The following OOSP4B variants were observed in gnomAD, a reference collection of about 807,000 sequenced individuals.
OOSP4B encodes the protein oocyte secreted protein family member 4B.
chr11:60,022,852 G>A (rs1254412782), intron 1 of OOSP4B, among the ~76,000 whole-genome samples: 2 of 151,974 alleles, frequency 1.3e-5, no homozygotes, highest in Non-Finnish European at 2.9e-5. Context: ...AGCTTCTTCA[G>A]GTTAATATGA....
rs1342770062 is a variant in OOSP4B, at chr11:60,029,860, A to G, written c.381A>G (p.Thr127=). ...CCTTGAAAGAAATCCCTCAAAAAAC[A>G]AAAGGACAAGAGTCACCAACTCCCA... The change falls in exon 4 of 5, where the codon ACA becomes ACG. Residue 127 remains threonine, a synonymous_variant. Coordinates refer to ENST00000642343, the Ensembl canonical transcript of OOSP4B. The G allele has an allele frequency of 2.8e-5, 11 of 398,416 alleles. 1 individual carries two copies. The allele number at this position is 398,416 out of a possible 1,614,324, so 24.7% of individuals were successfully genotyped here. A position where few individuals can be genotyped will look rare whatever the true frequency, so the allele number is the denominator to read the frequency against.
At chr11:60,029,497 T>G (rs929327016) in intron 3 of OOSP4B, among the ~76,000 whole-genome samples, 1 of 152,194 alleles carries the variant, frequency 6.6e-6, no homozygotes, top group African/African-American at 2.4e-5. Flanking sequence ...TCAGCATAGA[T>G]AGAATGTTTG....
intron 3 of OOSP4B, among the ~76,000 whole-genome samples, chr11:60,025,258 A>T (rs1854736771): frequency 6.6e-6 from 1 of 152,186 alleles, no homozygotes; most frequent in Non-Finnish European, 1.5e-5. Context: ...TGCACTTCCA[A>T]TTGAAGACAT....
chr11:60,027,138 C>T (rs1214848163), intron 3 of OOSP4B, among the ~76,000 whole-genome samples: 3 of 152,018 alleles, frequency 2.0e-5, no homozygotes, highest in Admixed American at 2.0e-4. Context: ...TCTCATTTTC[C>T]CCACTCCCGC....
intron 3 of OOSP4B, 57 bp from the exon 4 acceptor site, chr11:60,029,725 C>CA (rs919349582): frequency 5.0e-6 from 2 of 397,686 alleles, no homozygotes; most frequent in East Asian, 3.6e-5. Context: ...ATTTTTCCCA[C>CA]AAAAAATCTG....
intron 3 of OOSP4B, among the ~76,000 whole-genome samples, chr11:60,027,551 C>T (rs550254569): frequency 1.3e-4 from 19 of 150,526 alleles, no homozygotes; most frequent in African/African-American, 4.4e-4. Context: ...TCCTCTTCCA[C>T]TTTATTGACC....
At chr11:60,025,682 C>T (rs1854741011) in intron 3 of OOSP4B, among the ~76,000 whole-genome samples, 1 of 152,138 alleles carries the variant, frequency 6.6e-6, no homozygotes, top group South Asian at 2.1e-4. Context: ...TGTTTTCAGT[C>T]TCTGGCTATT....
chr11:60,020,586 G>A (rs1008581998), intron 1 of OOSP4B, among the ~76,000 whole-genome samples: 7 of 152,144 alleles, frequency 4.6e-5, no homozygotes, highest in African/African-American at 9.7e-5. Flanking sequence ...CCCGGTTCCC[G>A]CCGGCGCCTC....
intron 3 of OOSP4B, among the ~76,000 whole-genome samples, chr11:60,028,940 C>G (rs868625212): frequency 1.1e-4 from 16 of 152,160 alleles, no homozygotes; most frequent in African/African-American, 3.6e-4. Flanking sequence ...GGAATCTTAG[C>G]AGATGGGATT....
At chr11:60,021,540 A>G (rs1247769694) in intron 1 of OOSP4B, 1 of 152,246 alleles carries the variant, frequency 6.6e-6, no homozygotes, top group African/African-American at 2.4e-5. Context: ...GATGGCCTAG[A>G]TCACTGTCTG....
At chr11:60,023,837 G>T (rs915072998) in intron 1 of OOSP4B, 43 bp from the exon 2 acceptor site, 8 of 398,390 alleles carry the variant, frequency 2.0e-5, no homozygotes, top group Non-Finnish European at 1.8e-5. Flanking sequence ...GTCTTGGGAG[G>T]AAGTATACTA....
chr11:60,029,953 T>C (rs1479695704), intron 4 of OOSP4B, 24 bp downstream of exon 4: 1 of 398,022 alleles, frequency 2.5e-6, no homozygotes, highest in Non-Finnish European at 4.4e-6. Flanking sequence ...GGTTGTTTAT[T>C]TTATAGTTAA....
At chr11:60,019,610 TC>T (rs1854666203) in intron 1 of OOSP4B, 1 of 152,710 alleles carries the variant, frequency 6.5e-6, no homozygotes, top group Admixed American at 6.5e-5. Flanking sequence ...AGGCAGCGCG[TC>T]TGGAGTTGTT....
chr11:60,024,956 C>T lies in OOSP4B; in HGVS notation c.253C>T (p.Pro85Ser), dbSNP rs1053239959. ...CATATTATCAGAGATCAGTTACAAACCAAGGTTGCATACTACCTATGAATT... is the reference window on the plus strand; with the variant it reads ...CATATTATCAGAGATCAGTTACAAATCAAGGTTGCATACTACCTATGAATT... The change falls in exon 3 of 5, where the codon CCA (proline) becomes TCA (serine). Residue 85 changes from proline (P) to serine (S), a missense_variant. Pro to Ser is a moderately conservative substitution (Grantham distance 74). Transcript: ENST00000642343. The T allele has an allele frequency of 1.8e-5, 7 of 398,164 alleles. No individual in the cohort carries two copies. In the East Asian group the frequency reaches 1.8e-4, roughly 10 times the overall value. The allele number at this position is 398,164 out of a possible 1,614,324, so 24.7% of individuals were successfully genotyped here.
intron 1 of OOSP4B, among the ~76,000 whole-genome samples, chr11:60,021,914 G>A (rs1269730728): frequency 2.0e-5 from 3 of 151,424 alleles, no homozygotes; most frequent in Non-Finnish European, 2.9e-5. Context: ...AACCCAGGAG[G>A]TGGAGGTTGC....
intron 1 of OOSP4B, chr11:60,022,366 A>T (rs924380274): frequency 6.6e-5 from 10 of 152,334 alleles, no homozygotes; most frequent in African/African-American, 2.2e-4. Flanking sequence ...TCACTTCTGC[A>T]GCTGTCATCA....
At chr11:60,021,454 ACCTCT>A (rs1362467910) in intron 1 of OOSP4B, 3 of 152,066 alleles carry the variant, frequency 2.0e-5, no homozygotes, top group African/African-American at 7.2e-5. Context: ...TTTCACTCCT[ACCTCT>A]CCTAAGACAC....
At position 60,022,045 on chromosome 11, in the gene OOSP4B, C is replaced by T. The variant is rs545439422; in HGVS notation, c.23-1835C>T. On this transcript the variant is annotated intron_variant, in intron 1 of 4. Transcript: ENST00000642343. Reference sequence around the variant, plus strand: ...TTTGACCTAGGAATTGGTACATAAACAGCAGAACTTCTTATTTAATGTGAC... The same window carrying T: ...TTTGACCTAGGAATTGGTACATAAATAGCAGAACTTCTTATTTAATGTGAC... 15 of 122,632 alleles carry T rather than the reference C, an allele frequency of 1.2e-4. No homozygotes were observed. In the East Asian group the frequency reaches 3.6e-3, roughly 29 times the overall value. 7.6% of individuals were successfully genotyped at this position (122,632 alleles called of 1,614,324 possible). A position where few individuals can be genotyped will look rare whatever the true frequency, so the allele number is the denominator to read the frequency against.
chr11:60,021,854 C>T (rs1854693277), intron 1 of OOSP4B, among the ~76,000 whole-genome samples: 1 of 151,960 alleles, frequency 6.6e-6, no homozygotes, highest in Admixed American at 6.5e-5. Context: ...TGTGGTGGCA[C>T]ATGCCTGTAG....
Sources: allele counts gnomAD v4.1 joint callset (sites outside exome capture counted in the v4.1 genomes callset), GRCh38; gene constraint gnomAD v4.1.1; transcripts MANE v1.5; gene names NCBI Gene and HGNC (gene_info 2026-07-23, HGNC 2026-07-21).